Variants in EPHA4 observed in about 807,000 individuals in gnomAD.
EPHA4 encodes the protein EPH receptor A4.
In EPHA4, 19 loss-of-function variants were observed where a neutral mutation model predicts 108.3. That is an observed-to-expected ratio of 0.18 (90% CI 0.12 to 0.26). EPHA4 has a LOEUF of 0.26. EPHA4 is among the 10% of genes least tolerant of loss of function. EPHA4 has a pLI of 1.00. For missense variants in EPHA4, 917 were observed against 1,254.0 expected (o/e 0.73, Z 4.06); for synonymous variants, 449 against 455.5 (o/e 0.99, Z 0.18).
chr2:221,505,322 A>C (rs1401113878), intron 3 of EPHA4, among the ~76,000 whole-genome samples: 1 of 151,984 alleles, frequency 6.6e-6, no homozygotes, highest in African/African-American at 2.4e-5. Context: ...TTTAAAATTT[A>C]TTTATTTATT....
intron 3 of EPHA4, among the ~76,000 whole-genome samples, chr2:221,513,430 T>G (rs1352234978): frequency 2.0e-5 from 3 of 152,166 alleles, no homozygotes; most frequent in Non-Finnish European, 4.4e-5. Flanking sequence ...ACAGCCTGAG[T>G]TGTCAGGAAT....
intron 15 of EPHA4, among the ~76,000 whole-genome samples, chr2:221,429,454 C>T (rs926694601): frequency 6.6e-6 from 1 of 152,196 alleles, no homozygotes; most frequent in Non-Finnish European, 1.5e-5. Flanking sequence ...TTTCCTCCTA[C>T]TCTGAAAGAC....
intron 17 of EPHA4, among the ~76,000 whole-genome samples, chr2:221,423,149 T>C (rs10498110): frequency 0.16 from 25,109 of 152,264 alleles, 2,304 homozygotes; most frequent in African/African-American, 0.22. Flanking sequence ...GAGCTCACCG[T>C]GTTTTACTTA....
chr2:221,456,844 T>C, intron 6 of EPHA4, 72 bp from the exon 7 acceptor site: 2 of 1,553,730 alleles, frequency 1.3e-6, no homozygotes, highest in African/African-American at 1.4e-5. Context: ...GGTGCAATAT[T>C]AAAGGAGTCA....
chr2:221,465,868 T>G (rs1192577570), intron 5 of EPHA4, among the ~76,000 whole-genome samples: 2 of 152,212 alleles, frequency 1.3e-5, no homozygotes. Flanking sequence ...TCAAGTGAAG[T>G]GGAGCCTTCT....
At chr2:221,499,562 A>C (rs1692407859) in intron 4 of EPHA4, among the ~76,000 whole-genome samples, 1 of 150,306 alleles carries the variant, frequency 6.7e-6, no homozygotes. Context: ...CACTCCACTC[A>C]TTTTAAAGAC....
chr2:221,500,626 T>A (rs1692459006), intron 4 of EPHA4, among the ~76,000 whole-genome samples: 1 of 152,148 alleles, frequency 6.6e-6, no homozygotes, highest in African/African-American at 2.4e-5. Context: ...CACTGAGCTG[T>A]CCTTTACAGA....
At chr2:221,520,279 C>T (rs576482940) in intron 3 of EPHA4, among the ~76,000 whole-genome samples, 1 of 152,182 alleles carries the variant, frequency 6.6e-6, no homozygotes, top group Non-Finnish European at 1.5e-5. Context: ...TTAAACACTT[C>T]CCATCACCTA....
chr2:221,465,760 C>A (rs572588351), intron 5 of EPHA4, among the ~76,000 whole-genome samples: 2 of 152,266 alleles, frequency 1.3e-5, no homozygotes, highest in East Asian at 3.9e-4. Flanking sequence ...CACCCAACAA[C>A]CCCCATCACC....
At chr2:221,468,035 A>AT (rs1302652427) in intron 5 of EPHA4, among the ~76,000 whole-genome samples, 1 of 151,966 alleles carries the variant, frequency 6.6e-6, no homozygotes, top group Non-Finnish European at 1.5e-5. Context: ...ATAAATATAC[A>AT]TTTTTTTCTC....
At chr2:221,560,430 A>G (rs1349860629) in intron 3 of EPHA4, among the ~76,000 whole-genome samples, 3 of 152,204 alleles carry the variant, frequency 2.0e-5, no homozygotes, top group Non-Finnish European at 4.4e-5. Context: ...AGGAAAAAAA[A>G]ATGACATACT....
chr2:221,449,699 A>G (rs567163910), intron 8 of EPHA4, among the ~76,000 whole-genome samples: 1,582 of 152,334 alleles, frequency 0.01, 22 homozygotes, highest in African/African-American at 0.036. Flanking sequence ...CAATATAACA[A>G]ACAAAATAGA....
chr2:221,502,814 A>G (rs1692521235), intron 3 of EPHA4, among the ~76,000 whole-genome samples: 1 of 152,234 alleles, frequency 6.6e-6, no homozygotes, highest in Admixed American at 6.5e-5. Context: ...TGACGTGTGG[A>G]GCACTGACAA....
At chr2:221,535,036 C>G (rs1046267507) in intron 3 of EPHA4, among the ~76,000 whole-genome samples, 1 of 152,188 alleles carries the variant, frequency 6.6e-6, no homozygotes, top group Non-Finnish European at 1.5e-5. Flanking sequence ...GATCCACAGA[C>G]CTTTTCAATC....
intron 17 of EPHA4, among the ~76,000 whole-genome samples, 166 bp from the exon 18 acceptor site, chr2:221,420,718 T>C (rs916458785): frequency 3.9e-4 from 58 of 149,820 alleles, no homozygotes; most frequent in Admixed American, 3.7e-3. Flanking sequence ...TTCTGAAAAA[T>C]AGCAATTATA....
chr2:221,529,304 G>A (rs1482241555), intron 3 of EPHA4, among the ~76,000 whole-genome samples: 1 of 152,160 alleles, frequency 6.6e-6, no homozygotes, highest in Admixed American at 6.5e-5. Context: ...CCTTGAGGAA[G>A]GCTGGAGAGG....
chr2:221,553,515 C>A (rs1694220335), intron 3 of EPHA4, among the ~76,000 whole-genome samples: 1 of 152,196 alleles, frequency 6.6e-6, no homozygotes, highest in South Asian at 2.1e-4. Flanking sequence ...TAACCTCTGA[C>A]CCCTCAGATC....
Position 221,563,939 on chromosome 2 carries a change from T to G in EPHA4, c.615A>C (p.Pro205=), listed in dbSNP as rs879075120. 1.9e-6 allele frequency: 3 copies of G among 1,614,072 alleles called. No individual in the cohort carries two copies. The South Asian group carries it at 3.3e-5, about 18-fold the overall frequency. Residue 205 remains proline, a synonymous_variant, in exon 3 of 18, where the codon CCA becomes CCC. Coordinates refer to ENST00000281821, the MANE Select transcript of EPHA4 (RefSeq NM_004438.5). The stretch of plus-strand genomic sequence containing the variant: ...ACTGGGCCAGATTGCGGACTGTGAG[T>G]GGACACTTTTTATAGAACACACGGA... ...VSVRVFYKKC[P]LTVRNLAQFP...
At chr2:221,480,369 A>G (rs1691783330) in intron 5 of EPHA4, among the ~76,000 whole-genome samples, 2 of 152,172 alleles carry the variant, frequency 1.3e-5, no homozygotes, top group Non-Finnish European at 2.9e-5. Flanking sequence ...ATAGCCAAAA[A>G]GGTAGAAGGG....
Sources: gnomAD v4.1 joint callset for allele counts (sites outside exome capture counted in the v4.1 genomes callset) on GRCh38, gnomAD v4.1.1 for gene constraint, MANE v1.5 for transcripts, NCBI Gene and HGNC (gene_info 2026-07-23, HGNC 2026-07-21) for gene names.